The following MAL2 variants were observed in gnomAD, a reference collection of about 807,000 sequenced individuals.
MAL2 encodes the protein mal, T cell differentiation protein 2, also known as protein MAL2.
In MAL2, 17 loss-of-function variants were observed where a neutral mutation model predicts 18.1. The observed-to-expected ratio is 0.94, with a 90% CI of 0.64 to 1.41. The LOEUF (loss-of-function observed/expected upper bound fraction) is 1.41. MAL2 is among the 40% of genes most tolerant of loss of function. The probability of loss-of-function intolerance (pLI) is 0.00; values close to 1 mark genes in which losing one functional copy is unlikely to be tolerated. For missense variants in MAL2, 222 were observed against 231.9 expected, an observed-to-expected ratio of 0.96 and a Z score of 0.28; for synonymous variants, 102 against 102.3, an observed-to-expected ratio of 1.00 and a Z score of 0.02.
intron 2 of MAL2, among the ~76,000 whole-genome samples, chr8:119,235,365 G>GA (rs759266679): frequency 6.6e-6 from 1 of 152,138 alleles, no homozygotes; most frequent in Non-Finnish European, 1.5e-5. Context: ...AACCAAGTTG[G>GA]AAAACACTAC....
intron 1 of MAL2, among the ~76,000 whole-genome samples, chr8:119,217,593 G>T (rs1817378394): frequency 6.6e-6 from 1 of 152,184 alleles, no homozygotes; most frequent in African/African-American, 2.4e-5. Context: ...ACACTAGAAA[G>T]CAGTGGAAGG....
rs574020605 is a variant in MAL2 at position 119,229,812 on chromosome 8, T to C, written c.303+8055T>C. On this transcript the variant is annotated intron_variant, in intron 2 of 3. Transcript: ENST00000614891. ...TTCCAAAAACAAAGCTCAGGGTTTT[T>C]TTCTCCTTCACGTGGGCATAAGGAA... Among the ~76,000 whole-genome samples, 8 of 152,300 alleles carry C rather than the reference T, an allele frequency of 5.3e-5. No homozygotes were observed. The South Asian group carries it at 1.7e-3, about 32-fold the overall frequency.
chr8:119,220,294 T>C (rs1170355983), intron 1 of MAL2, among the ~76,000 whole-genome samples: 1 of 152,220 alleles, frequency 6.6e-6, no homozygotes, highest in Non-Finnish European at 1.5e-5. Flanking sequence ...TACTTCTAAA[T>C]TTCACTCTAA....
intron 2 of MAL2, among the ~76,000 whole-genome samples, chr8:119,231,021 AGTT>A (rs1817710575): frequency 1.4e-5 from 2 of 145,562 alleles, no homozygotes; most frequent in Admixed American, 1.4e-4. Flanking sequence ...ATGTGAGAAC[AGTT>A]TTTTTTTTTA....
At position 119,213,531 on chromosome 8, in the gene MAL2, T is replaced by A. The variant is rs75152293; in HGVS notation, c.132+4927T>A. Among the ~76,000 whole-genome samples, 1,251 of 152,258 alleles carry A rather than the reference T, an allele frequency of 8.2e-3. 17 individuals are homozygous for A. Among genetic ancestry groups the A allele is most frequent in the African/African-American group, 0.028 (1,179 of 41,548 alleles). On this transcript the variant is annotated intron_variant, in intron 1 of 3. Coordinates refer to ENST00000614891, the MANE Select transcript of MAL2 (RefSeq NM_052886.3). The stretch of plus-strand genomic sequence containing the variant: ...AAAATCTTCATCCACATTAAAAGAA[T>A]CTTTAGGCCGGGTGCAGTGGCTCAT...
At chr8:119,242,665 T>TGA (rs1818069895) in intron 3 of MAL2, among the ~76,000 whole-genome samples, 1 of 152,090 alleles carries the variant, frequency 6.6e-6, no homozygotes, top group Non-Finnish European at 1.5e-5. Context: ...GGTCTATAGG[T>TGA]GAATCTGGTA....
At chr8:119,237,125 A>G (rs1401378001) in intron 2 of MAL2, among the ~76,000 whole-genome samples, 2 of 152,226 alleles carry the variant, frequency 1.3e-5, no homozygotes, top group Non-Finnish European at 2.9e-5. Context: ...CGATCCACAG[A>G]AATACAAACT....
intron 1 of MAL2, among the ~76,000 whole-genome samples, chr8:119,217,671 TATA>T (rs1219373919): frequency 3.9e-5 from 6 of 152,136 alleles, no homozygotes; most frequent in Non-Finnish European, 7.4e-5. Flanking sequence ...GGGCGAAACA[TATA>T]ATAGTTCCGA....
intron 2 of MAL2, among the ~76,000 whole-genome samples, chr8:119,230,369 A>G (rs1817691899): frequency 6.6e-6 from 1 of 151,812 alleles, no homozygotes; most frequent in Admixed American, 6.6e-5. Flanking sequence ...TTGGACAGGA[A>G]AGCCTTGAAA....
At chr8:119,213,778 A>G (rs1310100287) in intron 1 of MAL2, among the ~76,000 whole-genome samples, 1 of 152,202 alleles carries the variant, frequency 6.6e-6, no homozygotes. Context: ...AGATCGCACC[A>G]TCACCCTCCA....
intron 1 of MAL2, among the ~76,000 whole-genome samples, chr8:119,219,066 T>A (rs1017256712): frequency 6.6e-6 from 1 of 152,140 alleles, no homozygotes; most frequent in Non-Finnish European, 1.5e-5. Flanking sequence ...TAAAGGTAAA[T>A]AATATTAGGA....
intron 1 of MAL2, among the ~76,000 whole-genome samples, chr8:119,209,914 C>A (rs1817244747): frequency 6.6e-6 from 1 of 152,036 alleles, no homozygotes; most frequent in African/African-American, 2.4e-5. Flanking sequence ...AGCGGAGAGA[C>A]GATGGCATTG....
At chr8:119,222,094 G>T (rs73709680) in intron 2 of MAL2, among the ~76,000 whole-genome samples, 4 of 151,844 alleles carry the variant, frequency 2.6e-5, no homozygotes, top group Non-Finnish European at 5.9e-5. Context: ...AAACATTGTC[G>T]CATCTTGAAA....
At chr8:119,229,564 G>A (rs1389723919) in intron 2 of MAL2, among the ~76,000 whole-genome samples, 3 of 151,928 alleles carry the variant, frequency 2.0e-5, no homozygotes, top group East Asian at 1.9e-4. Flanking sequence ...CCACCACATC[G>A]GCCTCCCAAA....
chr8:119,211,262 C>G (rs1208190499), intron 1 of MAL2, among the ~76,000 whole-genome samples: 1 of 152,218 alleles, frequency 6.6e-6, no homozygotes, highest in African/African-American at 2.4e-5. Context: ...GTCCTAAATG[C>G]TAAGTGATCT....
Position 119,208,772 on chromosome 8 carries a change from C to G in MAL2, c.132+168C>G. 1 of 1,074,494 alleles carries G rather than the reference C, an allele frequency of 9.3e-7. No homozygotes were observed. Among genetic ancestry groups the G allele is most frequent in the Non-Finnish European group, 1.2e-6 (1 of 848,726 alleles). The allele number at this position is 1,074,494 out of a possible 1,614,324, so 66.6% of individuals were successfully genotyped here. A position where few individuals can be genotyped will look rare whatever the true frequency, so the allele number is the denominator to read the frequency against. On this transcript the variant is annotated intron_variant, in intron 1 of 3. Transcript: ENST00000614891. The surrounding 1 kb of genome is among the most constrained non-coding windows in gnomAD (Gnocchi z 4.3). ...CCTCTCGGTGCCCCGCGCCGCCGCC[C>G]GGGCCCTCCCTCCTAGCACCTGTTA...
intron 3 of MAL2, 33 bp from the exon 4 acceptor site, chr8:119,243,384 A>C: frequency 1.3e-6 from 2 of 1,533,008 alleles, no homozygotes; most frequent in Non-Finnish European, 1.8e-6. Context: ...GGTGTTGTAA[A>C]TCTGATGTGA....
rs554367029 is a variant in MAL2 at position 119,212,964 on chromosome 8, C to A, written c.132+4360C>A. Among the ~76,000 whole-genome samples, 4 of 152,194 alleles carry A rather than the reference C, an allele frequency of 2.6e-5. No individual in the cohort carries two copies. In the East Asian group the frequency reaches 7.7e-4, roughly 29 times the overall value. On this transcript the variant is annotated intron_variant, in intron 1 of 3. Transcript: ENST00000614891. The stretch of plus-strand genomic sequence containing the variant: ...TTGATCCAGCTTGTGTCTTAGAAAC[C>A]TTTGAGTGATGAAGTTTGGTTGTAA...
chr8:119,218,611 T>C (rs1253313553), intron 1 of MAL2, among the ~76,000 whole-genome samples: 2 of 152,184 alleles, frequency 1.3e-5, no homozygotes, highest in Admixed American at 6.5e-5. Flanking sequence ...TTCAAGCTCC[T>C]GGAGATGGAA....
Sources: gnomAD v4.1 joint callset for allele counts (sites outside exome capture counted in the v4.1 genomes callset) on GRCh38, gnomAD v4.1.1 for gene constraint, Gnocchi (gnomAD v3.1) non-coding constraint, MANE v1.5 for transcripts, NCBI Gene and HGNC (gene_info 2026-07-23, HGNC 2026-07-21) for gene names.